The following FTO variants were observed in gnomAD, a reference collection of about 807,000 sequenced individuals.
FTO encodes the protein alpha-ketoglutarate-dependent dioxygenase FTO.
In FTO, 47 loss-of-function variants were observed where a neutral mutation model predicts 63.9. That is an observed-to-expected ratio of 0.74 (90% CI 0.58 to 0.94). The LOEUF is 0.94. FTO is among the 40% of genes least tolerant of loss of function. The pLI is 0.00. For synonymous variants in FTO, 207 were observed against 224.4 expected, an observed-to-expected ratio of 0.92 and a Z score of 0.69; for missense variants, 562 against 618.1, an observed-to-expected ratio of 0.91 and a Z score of 0.96.
At chr16:53,932,177 A>C (rs565329077) in intron 7 of FTO, among the ~76,000 whole-genome samples, 8 of 152,244 alleles carry the variant, frequency 5.3e-5, no homozygotes, top group African/African-American at 1.9e-4. Flanking sequence ...GAGGGCTGAA[A>C]ATGTTGTTGC....
At chr16:53,864,744 A>G (rs561854481) in intron 4 of FTO, among the ~76,000 whole-genome samples, 3 of 152,332 alleles carry the variant, frequency 2.0e-5, no homozygotes, top group African/African-American at 7.2e-5. Context: ...ATTAGGAATA[A>G]TCTTTTAAAG....
chr16:53,955,001 A>G (rs531376814), intron 8 of FTO, among the ~76,000 whole-genome samples: 85 of 152,208 alleles, frequency 5.6e-4, no homozygotes, highest in Admixed American at 2.1e-3. Context: ...AATTTCACCC[A>G]AGTTACCACC....
chr16:53,749,686 G>T (rs1230498682), intron 1 of FTO, among the ~76,000 whole-genome samples: 1 of 152,004 alleles, frequency 6.6e-6, no homozygotes, highest in East Asian at 1.9e-4. Context: ...TGATCCGCCC[G>T]CCTCGGCCTC....
In FTO at chr16:53,844,222, T is replaced by C. The variant is rs2079554606; in HGVS notation, c.819T>C (p.Gly273=). ...GGGATCCTGATATTTGGCATGTTGG[T>C]TTTAAGATCTCATGGGACATAGAGA... ...EGRDPDIWHV[G]FKISWDIETP... is the part of the protein sequence containing the mutation. The change falls in exon 4 of 9, where the codon GGT becomes GGC. Residue 273 remains glycine (G), a synonymous_variant. Coordinates refer to ENST00000471389, the MANE Select transcript of FTO (RefSeq NM_001080432.3). 6.2e-7 allele frequency: 1 copy of C among 1,613,376 alleles called. No individual in the cohort carries two copies. Among genetic ancestry groups the C allele is most frequent in the Admixed American group, 1.7e-5 (1 of 60,000 alleles).
chr16:53,732,978 T>A (rs1161275326), intron 1 of FTO, among the ~76,000 whole-genome samples: 1 of 152,248 alleles, frequency 6.6e-6, no homozygotes, highest in Non-Finnish European at 1.5e-5. Flanking sequence ...ATCCCAGCCC[T>A]GTAGCCATCT....
chr16:53,973,573 G>A (rs559860906), intron 8 of FTO, among the ~76,000 whole-genome samples: 6 of 152,288 alleles, frequency 3.9e-5, no homozygotes, highest in Admixed American at 3.9e-4. Flanking sequence ...CAGAGGTGTG[G>A]AAACCTGGAT....
At chr16:53,760,329 C>T (rs1567963028) in intron 1 of FTO, among the ~76,000 whole-genome samples, 1 of 151,230 alleles carries the variant, frequency 6.6e-6, no homozygotes, top group Non-Finnish European at 1.5e-5. Context: ...GTCACTGCAG[C>T]CTTGACCTCT....
At chr16:53,835,099 T>C (rs983194643) in intron 3 of FTO, among the ~76,000 whole-genome samples, 1 of 152,228 alleles carries the variant, frequency 6.6e-6, no homozygotes, top group Admixed American at 6.5e-5. Context: ...TTATGACTAA[T>C]TAAATCCCTT....
At chr16:53,976,093 C>T (rs1261643387) in intron 8 of FTO, among the ~76,000 whole-genome samples, 1 of 152,150 alleles carries the variant, frequency 6.6e-6, no homozygotes, top group Non-Finnish European at 1.5e-5. Flanking sequence ...TGTCTTTCAT[C>T]TTACATGTCT....
chr16:53,775,941 T>C (rs1028144293), intron 1 of FTO, among the ~76,000 whole-genome samples: 1 of 152,180 alleles, frequency 6.6e-6, no homozygotes, highest in Non-Finnish European at 1.5e-5. Flanking sequence ...CTCCTTTTTA[T>C]GTCGACAATG....
chr16:53,936,536 G>T (rs535586370), intron 8 of FTO, among the ~76,000 whole-genome samples: 1 of 152,134 alleles, frequency 6.6e-6, no homozygotes, highest in East Asian at 1.9e-4. Context: ...CCGTCAAATG[G>T]GTGGTGGTGA....
rs373100423 is a variant in FTO at position 53,869,778 on chromosome 16, C to T, written c.896-4008C>T. On this transcript the variant is annotated intron_variant, in intron 4 of 8. Coordinates refer to ENST00000471389, the MANE Select transcript of FTO (RefSeq NM_001080432.3). ...CCCATCAGTTCTTGCATGTCGTCTACGTTGTCCTTTAGGGTCCTTAGAATA... is the reference window on the plus strand; with the variant it reads ...CCCATCAGTTCTTGCATGTCGTCTATGTTGTCCTTTAGGGTCCTTAGAATA... Among the ~76,000 whole-genome samples, 8 of 152,240 alleles carry T rather than the reference C, an allele frequency of 5.3e-5. No individual in the cohort carries two copies. In the South Asian group the frequency reaches 8.3e-4, roughly 16 times the overall value.
chr16:54,111,707 G>T, intron 8 of FTO, 55 bp from the exon 9 acceptor site: 1 of 1,596,748 alleles, frequency 6.3e-7, no homozygotes, highest in Admixed American at 1.7e-5. Flanking sequence ...CCTGTGGGTT[G>T]GGGTCTTCTG....
chr16:53,915,066 CA>C (rs2081828312), intron 7 of FTO, among the ~76,000 whole-genome samples: 1 of 152,150 alleles, frequency 6.6e-6, no homozygotes, highest in Non-Finnish European at 1.5e-5. Flanking sequence ...TTCCATACAA[CA>C]GTTGTTTAGC....
chr16:53,801,961 T>C (rs2078240156), intron 1 of FTO, among the ~76,000 whole-genome samples: 1 of 152,172 alleles, frequency 6.6e-6, no homozygotes, highest in Non-Finnish European at 1.5e-5. Context: ...GGTTTCGCCA[T>C]GTTGGCCAGG....
chr16:53,728,794 G>A (rs918750432), intron 1 of FTO, among the ~76,000 whole-genome samples: 1 of 142,252 alleles, frequency 7.0e-6, no homozygotes, highest in African/African-American at 2.6e-5. Flanking sequence ...AGGGAGTCTC[G>A]CTCTGTCACC....
chr16:53,723,552 C>T (rs2076087436), intron 1 of FTO, among the ~76,000 whole-genome samples: 1 of 152,182 alleles, frequency 6.6e-6, no homozygotes, highest in Admixed American at 6.5e-5. Context: ...TCTCACTTTA[C>T]AGAATCAGGC....
chr16:53,856,582 T>C (rs888788163), intron 4 of FTO, among the ~76,000 whole-genome samples: 2 of 152,088 alleles, frequency 1.3e-5, no homozygotes, highest in African/African-American at 4.8e-5. Context: ...AAAGGCTGTC[T>C]CTACTAAAAA....
At chr16:54,074,651 A>G (rs572144770) in intron 8 of FTO, among the ~76,000 whole-genome samples, 5 of 152,088 alleles carry the variant, frequency 3.3e-5, no homozygotes, top group South Asian at 2.1e-4. Context: ...GTTGTTTCCT[A>G]TTTTTTTCCC....
Sources: gnomAD v4.1 joint callset for allele counts (sites outside exome capture counted in the v4.1 genomes callset) on GRCh38, gnomAD v4.1.1 for gene constraint, MANE v1.5 for transcripts, NCBI Gene and HGNC (gene_info 2026-07-23, HGNC 2026-07-21) for gene names.